The following DNHD1 variants were observed in gnomAD, a reference collection of about 807,000 sequenced individuals.
DNHD1 encodes dynein heavy chain domain-containing protein 1.
A neutral mutation model predicts 458.1 loss-of-function variants in DNHD1; 383 were observed. The observed-to-expected ratio is 0.84, with a 90% CI of 0.77 to 0.91. DNHD1 has a LOEUF of 0.91. DNHD1 is among the 40% of genes least tolerant of loss of function. The pLI is 0.00. For missense variants in DNHD1, 5,336 were observed against 5,866.1 expected, an observed-to-expected ratio of 0.91 and a Z score of 2.95; for synonymous variants, 2,203 against 2,376.9, an observed-to-expected ratio of 0.93 and a Z score of 2.13.
At position 6,570,222 on chromosome 11, in the gene DNHD1, T is replaced by C. The variant is rs553678722; in HGVS notation, c.12956-25T>C. 5 of 1,613,666 alleles carry C rather than the reference T, an allele frequency of 3.1e-6. No individual in the cohort carries two copies. In the South Asian group the frequency reaches 5.5e-5, roughly 18 times the overall value. ...TGGTGGAAACTGAAGGTACTGGAAC[T>C]GAGAGACTCTAACCTCATCTTCAGC... On this transcript the variant is annotated intron_variant, in intron 40 of 42. Coordinates refer to ENST00000254579, the MANE Select transcript of DNHD1 (RefSeq NM_144666.3).
In DNHD1 at chr11:6,548,405, G is replaced by A. The variant is rs779285864; in HGVS notation, c.7098+3G>A. On this transcript the variant is annotated splice_donor_region_variant and intron_variant, in intron 23 of 42. Coordinates refer to ENST00000254579, the MANE Select transcript of DNHD1 (RefSeq NM_144666.3). This position sits in a 1 kb window ranked among gnomAD's most constrained non-coding sequence, Gnocchi z 4.4. ...GCACCTTTCACCCTTCTATCCAGGT[G>A]TGAGGACAGTAAGGCAAGAGCTGGG... The A allele has an allele frequency of 3.9e-6, 6 of 1,551,376 alleles. No individual in the cohort carries two copies. In the African/African-American group the frequency reaches 8.2e-5, roughly 21 times the overall value.
intron 12 of DNHD1, 124 bp from the exon 13 acceptor site, chr11:6,532,903 C>G (rs1852856547): frequency 3.4e-6 from 3 of 888,228 alleles, no homozygotes; most frequent in Admixed American, 2.5e-5. Flanking sequence ...ATTCAACAAG[C>G]ATTAAATGAG....
At position 6,519,960 on chromosome 11, in the gene DNHD1, T is replaced by A. The variant is rs770274244; in HGVS notation, c.1648-5T>A. ...CTCGACCTTTCCTGACCCTTTTTTT[T>A]ACAGGCCCCAAGGCAGAAACCCTTT... is the stretch of plus-strand genomic sequence containing the variant. On this transcript the variant is annotated splice_polypyrimidine_tract_variant and splice_region_variant and intron_variant, in intron 8 of 42. Transcript: ENST00000254579. The A allele has an allele frequency of 1.9e-6, 3 of 1,614,022 alleles. No individual in the cohort carries two copies. Among genetic ancestry groups the A allele is most frequent in the Admixed American group, 3.3e-5 (2 of 59,990 alleles).
At chr11:6,530,134 G>T (rs759910056) in intron 12 of DNHD1, among the ~76,000 whole-genome samples, 40 of 152,304 alleles carry the variant, frequency 2.6e-4, no homozygotes, top group African/African-American at 9.4e-4. Context: ...CTACTCTGCT[G>T]TGACTGTTTC....
At chr11:6,528,841 C>T (rs768865634) in intron 11 of DNHD1, 37 bp from the exon 12 acceptor site, 57 of 1,550,098 alleles carry the variant, frequency 3.7e-5, no homozygotes, top group Non-Finnish European at 4.7e-5. Flanking sequence ...CCATTATAGC[C>T]GCATGCCTCT....
chr11:6,514,021 T>A (rs180906611), intron 7 of DNHD1, among the ~76,000 whole-genome samples: 5 of 152,194 alleles, frequency 3.3e-5, no homozygotes, highest in Non-Finnish European at 5.9e-5. Flanking sequence ...TTTTTTTTTG[T>A]ATTTTTAGTA....
Position 6,545,984 on chromosome 11 carries a change from G to T in DNHD1, c.5045G>T (p.Cys1682Phe). ...TTATTGGCCCTAGAGGAGGTGGCCTGTGGGACCGTACTGGGTCCTAATGGT... is the reference window on the plus strand; with the variant it reads ...TTATTGGCCCTAGAGGAGGTGGCCTTTGGGACCGTACTGGGTCCTAATGGT... ...VLLLALEEVA[C>F]GTVLGPNGVG... Residue 1682 changes from cysteine (C) to phenylalanine (F), a missense_variant, in exon 21 of 43, where the codon TGT becomes TTT. This residue lies in a region of DNHD1 where 3,932 missense variants were observed against 4,365.6 expected (regional missense o/e 0.90). Transcript: ENST00000254579. The surrounding 1 kb of genome is among the most constrained non-coding windows in gnomAD (Gnocchi z 4.9). 1.3e-6 allele frequency: 2 copies of T among 1,551,792 alleles called. No individual in the cohort carries two copies. The highest frequency in any genetic ancestry group is 1.7e-6 in the Non-Finnish European group (2 of 1,147,000).
At chr11:6,567,972 G>C (rs1853747070) in intron 36 of DNHD1, 84 bp from the exon 37 acceptor site, 1 of 1,480,838 alleles carries the variant, frequency 6.8e-7, no homozygotes, top group Non-Finnish European at 9.0e-7. Flanking sequence ...GGGACTTTGG[G>C]GATCATGGTA....
chr11:6,542,832 AC>A (rs1853127069), intron 18 of DNHD1, among the ~76,000 whole-genome samples: 1 of 152,142 alleles, frequency 6.6e-6, no homozygotes, highest in Non-Finnish European at 1.5e-5. Context: ...CAGAACCATC[AC>A]CCCCAAGGAA....
At chr11:6,560,585 A>G (rs1257309853) in intron 28 of DNHD1, among the ~76,000 whole-genome samples, 1 of 152,190 alleles carries the variant, frequency 6.6e-6, no homozygotes, top group Non-Finnish European at 1.5e-5. Context: ...GGGTCCTAGT[A>G]TTCCTTGATC....
chr11:6,548,316 G>A lies in DNHD1; in HGVS notation c.7012G>A (p.Glu2338Lys), dbSNP rs1853266371. 3 of 1,551,696 alleles carry A rather than the reference G, an allele frequency of 1.9e-6. No individual in the cohort carries two copies. The highest frequency in any genetic ancestry group is 3.9e-5 in the Admixed American group (2 of 51,004). Residue 2338 changes from glutamate to lysine, a missense_variant, in exon 23 of 43, where the codon GAA becomes AAA. By Grantham distance (56) the Glu-to-Lys change is moderately conservative. Transcript: ENST00000254579. The surrounding 1 kb of genome is among the most constrained non-coding windows in gnomAD (Gnocchi z 4.4). ...GGTGTTTGATCTACATGTAAGCCCT[G>A]AAGATGGAACACTGGTCCCCTTCAC... ...ALVFDLHVSPEDGTLVPFTGQ... is the reference protein window; with the variant it reads ...ALVFDLHVSPKDGTLVPFTGQ...
chr11:6,569,073 CT>C (rs1279599149), intron 39 of DNHD1, among the ~76,000 whole-genome samples: 2 of 152,164 alleles, frequency 1.3e-5, no homozygotes, highest in Non-Finnish European at 2.9e-5. Flanking sequence ...AGAGATGGGC[CT>C]TTCTGAGCAG....
At position 6,498,103 on chromosome 11, in the gene DNHD1, C is replaced by T; in HGVS notation, c.-113C>T. On this transcript the variant is annotated 5_prime_UTR_variant, in exon 3 of 43. Coordinates refer to ENST00000254579, the MANE Select transcript of DNHD1 (RefSeq NM_144666.3). ...GCCTGAGGTCCCTTCTCTGGCCCCT[C>T]TGCTGGGCTGGCCCATGCAGGTGAG... 6.8e-7 allele frequency: 1 copy of T among 1,469,924 alleles called. No individual in the cohort carries two copies. Among genetic ancestry groups the T allele is most frequent in the Non-Finnish European group, 9.2e-7 (1 of 1,084,244 alleles). The allele number at this position is 1,469,924 out of a possible 1,614,324, so 91.1% of individuals were successfully genotyped here. A position where few individuals can be genotyped will look rare whatever the true frequency, so the allele number is the denominator to read the frequency against.
chr11:6,529,204 C>G, intron 12 of DNHD1, 83 bp downstream of exon 12: 1 of 1,467,568 alleles, frequency 6.8e-7, no homozygotes, highest in Non-Finnish European at 9.2e-7. Flanking sequence ...GGAATGTCCT[C>G]CGGAGACCTT....
chr11:6,538,579 T>C (rs1853018922), intron 15 of DNHD1, 33 bp from the exon 16 acceptor site: 1 of 1,549,188 alleles, frequency 6.5e-7, no homozygotes, highest in Non-Finnish European at 8.7e-7. Context: ...AGGGGAAGAG[T>C]CTCAAGCTGA....
chr11:6,518,239 T>C (rs1446506915), intron 7 of DNHD1, among the ~76,000 whole-genome samples: 1 of 152,142 alleles, frequency 6.6e-6, no homozygotes, highest in Non-Finnish European at 1.5e-5. Flanking sequence ...TTTTTGTATT[T>C]TTTGCAGAGA....
In DNHD1 at chr11:6,548,504, T is replaced by A. The variant is rs1281936299; in HGVS notation, c.7098+102T>A. 6.9e-7 allele frequency: 1 copy of A among 1,458,022 alleles called. No homozygotes were observed. Among genetic ancestry groups the A allele is most frequent in the Admixed American group, 2.3e-5 (1 of 43,548 alleles). The allele number at this position is 1,458,022 out of a possible 1,614,324, so 90.3% of individuals were successfully genotyped here. A position where few individuals can be genotyped will look rare whatever the true frequency, so the allele number is the denominator to read the frequency against. ...GCTGAGGCCCACTTGCTCCCTTTCT[T>A]TGATATATTTTCACAATCACAAGAA... On this transcript the variant is annotated intron_variant, in intron 23 of 42. Transcript: ENST00000254579. This position sits in a 1 kb window ranked among gnomAD's most constrained non-coding sequence, Gnocchi z 4.4.
chr11:6,565,747 G>A lies in DNHD1; in HGVS notation c.10809G>A (p.Glu3603=). The change falls in exon 33 of 43, where the codon GAG becomes GAA. Residue 3603 remains glutamate, a synonymous_variant. Transcript: ENST00000254579. ...GAGAGAGTAAAACGGACATGAAAGA[G>A]GAAGATGATGAGAGTGAAGAGAGTA... ...QKRESKTDMK[E]EDDESEESNE... The A allele has an allele frequency of 6.4e-7, 1 of 1,551,122 alleles. No individual in the cohort carries two copies. The highest frequency in any genetic ancestry group is 8.7e-7 in the Non-Finnish European group (1 of 1,146,920).
rs1003144542 is a variant in DNHD1 at position 6,557,126 on chromosome 11, C to G, written c.7831C>G (p.Arg2611Gly). 6.4e-7 allele frequency: 1 copy of G among 1,551,736 alleles called. No homozygotes were observed. Among genetic ancestry groups the G allele is most frequent in the Non-Finnish European group, 8.7e-7 (1 of 1,147,006 alleles). The change falls in exon 25 of 43, where the codon CGA becomes GGA. Residue 2611 changes from arginine to glycine, a missense_variant. Arg to Gly is a moderately radical substitution (Grantham distance 125). Around this residue, in one of 4 missense-constraint regions of DNHD1, gnomAD observed 3,932 missense variants for 4,365.6 expected, o/e 0.90. Coordinates refer to ENST00000254579, the MANE Select transcript of DNHD1 (RefSeq NM_144666.3). ...GCTGCTGCCCAACAGAACAGGCTCCCGAGGTTTTGTGGACTATCCCAACCA... is the reference window on the plus strand; with the variant it reads ...GCTGCTGCCCAACAGAACAGGCTCCGGAGGTTTTGTGGACTATCCCAACCA... The part of the protein sequence containing the change: ...LQLLPNRTGS[R>G]GFVDYPNHQE...
Sources: gnomAD v4.1 joint callset for allele counts (sites outside exome capture counted in the v4.1 genomes callset) on GRCh38, gnomAD v4.1.1 for gene constraint, gnomAD v4.1.1 regional missense constraint, Gnocchi (gnomAD v3.1) non-coding constraint, MANE v1.5 for transcripts, NCBI Gene and HGNC (gene_info 2026-07-23, HGNC 2026-07-21) for gene names.